The following CSMD2 variants were observed in gnomAD, a reference collection of about 807,000 sequenced individuals.
The protein encoded by CSMD2 is CUB and Sushi multiple domains 2, also known as CUB and sushi domain-containing protein 2.
In CSMD2, 130 loss-of-function variants were observed where a neutral mutation model predicts 398.5. The observed-to-expected ratio is 0.33, with a 90% CI of 0.28 to 0.38. The LOEUF is 0.38. CSMD2 is among the 10% of genes least tolerant of loss of function. CSMD2 has a pLI of 1.00. For synonymous variants in CSMD2, 1,828 were observed against 1,908.5 expected (o/e 0.96, Z 1.10); for missense variants, 3,829 against 4,764.9 (o/e 0.80, Z 5.78).
intron 15 of CSMD2, among the ~76,000 whole-genome samples, chr1:33,727,185 G>A (rs1396615115): frequency 1.3e-5 from 2 of 152,214 alleles, no homozygotes; most frequent in African/African-American, 4.8e-5. Context: ...GGTATCCCCA[G>A]TATTGAGCAT....
At chr1:33,993,500 CTG>C (rs1455228735) in intron 3 of CSMD2, among the ~76,000 whole-genome samples, 1 of 152,114 alleles carries the variant, frequency 6.6e-6, no homozygotes, top group African/African-American at 2.4e-5. Context: ...TCTGCCCACT[CTG>C]TGTCTCCTGG....
At position 33,633,547 on chromosome 1, in the gene CSMD2, A is replaced by G; in HGVS notation, c.5087-12T>C. The stretch of plus-strand genomic sequence containing the variant: ...CTGGCCAAACACCACTGTGGAGGAG[A>G]CACAGTGTGGGGACTGGGCAGGCAC... On this transcript the variant is annotated splice_polypyrimidine_tract_variant and intron_variant, in intron 31 of 70. Coordinates refer to ENST00000373381, the MANE Select transcript of CSMD2 (RefSeq NM_001281956.2). This position sits in a 1 kb window ranked among gnomAD's most constrained non-coding sequence, Gnocchi z 5.0. 1 of 1,538,240 alleles carries G rather than the reference A, an allele frequency of 6.5e-7. No individual in the cohort carries two copies. The highest frequency in any genetic ancestry group is 8.8e-7 in the Non-Finnish European group (1 of 1,134,580).
At chr1:34,003,910 C>T (rs1372811113) in intron 3 of CSMD2, among the ~76,000 whole-genome samples, 2 of 152,188 alleles carry the variant, frequency 1.3e-5, no homozygotes, top group Non-Finnish European at 2.9e-5. Context: ...TTTTATTTGT[C>T]CAGCATTTCT....
At chr1:33,596,400 C>T (rs536341324) in intron 44 of CSMD2, among the ~76,000 whole-genome samples, 249 of 152,250 alleles carry the variant, frequency 1.6e-3, no homozygotes, top group Middle Eastern at 3.4e-3. Context: ...CCTGACACCC[C>T]GGCCTGGGCT....
intron 2 of CSMD2, among the ~76,000 whole-genome samples, chr1:34,067,226 G>A (rs1015822796): frequency 1.3e-5 from 2 of 152,200 alleles, no homozygotes; most frequent in East Asian, 1.9e-4. Flanking sequence ...TTCTACACTT[G>A]AGAATGAAAC....
At chr1:33,587,005 A>T (rs7526990) in intron 45 of CSMD2, 83 bp downstream of exon 45, 1 of 1,057,228 alleles carries the variant, frequency 9.5e-7, no homozygotes, top group Non-Finnish European at 1.4e-6. Context: ...GATAAGGTCC[A>T]CTGGCCCGAC....
chr1:33,943,985 T>C (rs1341347210), intron 3 of CSMD2, among the ~76,000 whole-genome samples: 2 of 151,102 alleles, frequency 1.3e-5, no homozygotes, highest in Non-Finnish European at 2.9e-5. Context: ...GTGTAAGAAT[T>C]GGCAAACATT....
At chr1:33,702,246 C>G (rs1275513488) in intron 22 of CSMD2, among the ~76,000 whole-genome samples, 1 of 152,218 alleles carries the variant, frequency 6.6e-6, no homozygotes, top group South Asian at 2.1e-4. Flanking sequence ...CTTATTGAAT[C>G]CTGATTCAAA....
At chr1:33,837,596 A>C (rs1251818540) in intron 6 of CSMD2, among the ~76,000 whole-genome samples, 1 of 152,240 alleles carries the variant, frequency 6.6e-6, no homozygotes, top group Admixed American at 6.5e-5. Context: ...GCCCTTACCC[A>C]TGCATACATG....
rs1654650413 is a variant in CSMD2 at position 33,525,047 on chromosome 1, G to C, written c.10235-4C>G. ...TTGGCAAAAACATCCCCAGGAACTA[G>C]AGGAATTGAGAAATAGATGTGAGAG... On this transcript the variant is annotated splice_region_variant and splice_polypyrimidine_tract_variant and intron_variant, in intron 65 of 70. Transcript: ENST00000373381. The C allele has an allele frequency of 1.2e-6, 2 of 1,614,004 alleles. No individual in the cohort carries two copies. Among genetic ancestry groups the C allele is most frequent in the Non-Finnish European group, 8.5e-7 (1 of 1,179,994 alleles).
chr1:33,643,889 T>G (rs992957917), intron 29 of CSMD2, among the ~76,000 whole-genome samples: 89 of 142,912 alleles, frequency 6.2e-4, no homozygotes, highest in Admixed American at 5.1e-3. Context: ...AGTCTGGGAA[T>G]GAAGGAAGGA....
At chr1:34,024,610 GT>G (rs1159128283) in intron 3 of CSMD2, among the ~76,000 whole-genome samples, 1 of 152,122 alleles carries the variant, frequency 6.6e-6, no homozygotes, top group Non-Finnish European at 1.5e-5. Context: ...TAAAATGAAT[GT>G]TCTCCAACTC....
intron 1 of CSMD2, among the ~76,000 whole-genome samples, chr1:34,121,371 T>C (rs1188733244): frequency 6.6e-6 from 1 of 152,168 alleles, no homozygotes; most frequent in Non-Finnish European, 1.5e-5. Context: ...CCGGGTCTCT[T>C]CTGCTTAAGC....
intron 3 of CSMD2, among the ~76,000 whole-genome samples, chr1:34,032,114 C>G (rs767265329): frequency 2.0e-5 from 3 of 152,086 alleles, no homozygotes; most frequent in Non-Finnish European, 4.4e-5. Context: ...AAACCAAAAG[C>G]CCCTAATCCA....
chr1:34,088,451 C>T (rs1415698844), intron 2 of CSMD2, among the ~76,000 whole-genome samples: 1 of 152,144 alleles, frequency 6.6e-6, no homozygotes, highest in Non-Finnish European at 1.5e-5. Flanking sequence ...TACAGGAAGC[C>T]ATCTTACTCT....
chr1:34,122,422 C>G (rs1310550096), intron 1 of CSMD2, among the ~76,000 whole-genome samples: 1 of 152,116 alleles, frequency 6.6e-6, no homozygotes, highest in African/African-American at 2.4e-5. Context: ...GAGTAGCCTC[C>G]TGCTGTATCC....
chr1:33,683,091 C>G (rs1379772801), intron 25 of CSMD2, among the ~76,000 whole-genome samples: 1 of 152,142 alleles, frequency 6.6e-6, no homozygotes, highest in African/African-American at 2.4e-5. Context: ...TCTAGCTTGT[C>G]TACTACTTCA....
intron 23 of CSMD2, among the ~76,000 whole-genome samples, chr1:33,700,162 C>T (rs1483991117): frequency 6.6e-6 from 1 of 152,140 alleles, no homozygotes; most frequent in Non-Finnish European, 1.5e-5. Context: ...GCACCCGCCA[C>T]CACGCCCAGC....
intron 2 of CSMD2, among the ~76,000 whole-genome samples, chr1:34,044,083 A>G (rs1181141483): frequency 6.6e-6 from 1 of 152,164 alleles, no homozygotes; most frequent in Admixed American, 6.5e-5. Context: ...ATAATAAATC[A>G]TAGCCATGGG....
Sources: gnomAD v4.1 joint callset for allele counts (sites outside exome capture counted in the v4.1 genomes callset) on GRCh38, gnomAD v4.1.1 for gene constraint, Gnocchi (gnomAD v3.1) non-coding constraint, MANE v1.5 for transcripts, NCBI Gene and HGNC (gene_info 2026-07-23, HGNC 2026-07-21) for gene names.